Variants in MTSS2 observed in about 807,000 individuals in gnomAD.
MTSS2 encodes protein MTSS 2.
Under a neutral mutation model 67.1 loss-of-function variants are expected in MTSS2, and 27 were observed. The observed-to-expected ratio is 0.40, with a 90% CI of 0.30 to 0.55. The LOEUF (loss-of-function observed/expected upper bound fraction) is 0.55, where lower values mean the gene tolerates loss of function less well. MTSS2 is among the 20% of genes least tolerant of loss of function. The pLI, the probability that MTSS2 is intolerant of heterozygous loss-of-function variation, is 0.43. For synonymous variants in MTSS2, 624 were observed against 468.6 expected, an observed-to-expected ratio of 1.33 and a Z score of -4.28; for missense variants, 1,171 against 1,067.8, an observed-to-expected ratio of 1.10 and a Z score of -1.35.
intron 10 of MTSS2, among the ~76,000 whole-genome samples, chr16:70,674,939 C>G (rs1008921198): frequency 2.0e-5 from 3 of 152,118 alleles, no homozygotes; most frequent in Admixed American, 6.5e-5. Flanking sequence ...ATAGCGAAAC[C>G]CCATCACCAC....
In MTSS2 at chr16:70,664,126, G is replaced by A. The variant is rs551929824; in HGVS notation, c.1795C>T (p.Pro599Ser). 6.8e-6 allele frequency: 11 copies of A among 1,610,842 alleles called. No individual in the cohort carries two copies. The East Asian group carries it at 1.3e-4, about 20-fold the overall frequency. The change falls in exon 15 of 15, where the codon CCT (proline) becomes TCT (serine). Residue 599 changes from proline to serine, a missense_variant. Coordinates refer to ENST00000338779, the MANE Select transcript of MTSS2 (RefSeq NM_138383.3). ...PIVPVKTPTV[P>S]DSPGYMGPTR... ...GGCCCCATGTAGCCGGGGGAGTCAG[G>A]CACCGTGGGCGTCTTCACAGGGACG...
chr16:70,661,314 A>AGAG lies in MTSS2; in HGVS notation c.*2360_*2362dup. ...GGATGGTGTGGAGGGGGCGGGGAGGAGAGGAGAATTTTTCCAAAATCTGAC... is the reference window on the plus strand; with the variant it reads ...GGATGGTGTGGAGGGGGCGGGGAGGAGAGGAGGAGAATTTTTCCAAAATCTGAC... On this transcript the variant is annotated 3_prime_UTR_variant, in exon 15 of 15. Coordinates refer to ENST00000338779, the MANE Select transcript of MTSS2 (RefSeq NM_138383.3). The AGAG allele has an allele frequency of 2.3e-6, 1 of 442,248 alleles. No homozygotes were observed. The highest frequency in any genetic ancestry group is 4.5e-6 in the Non-Finnish European group (1 of 223,568). The allele number at this position is 442,248 out of a possible 1,614,324, so 27.4% of individuals were successfully genotyped here. A position where few individuals can be genotyped will look rare whatever the true frequency, so the allele number is the denominator to read the frequency against.
chr16:70,669,861 G>A (rs1386473741), intron 11 of MTSS2, among the ~76,000 whole-genome samples: 2 of 151,078 alleles, frequency 1.3e-5, no homozygotes, highest in African/African-American at 4.9e-5. Flanking sequence ...ATTAGCATTA[G>A]AGAAATGCAA....
At chr16:70,677,215 T>TGGGC (rs1012662832) in intron 9 of MTSS2, among the ~76,000 whole-genome samples, 9 of 152,318 alleles carry the variant, frequency 5.9e-5, no homozygotes, top group African/African-American at 1.7e-4. Context: ...CAGCCTGGGC[T>TGGGC]GGGCGAGAGT....
Position 70,661,649 on chromosome 16 carries a change from G to A in MTSS2, c.*2028C>T, listed in dbSNP as rs1242291271. ...AGTCGACGCAAGGGCGGCGGGGGTG[G>A]TCTCAGGGATGGACAAGGGGATGGA... On this transcript the variant is annotated 3_prime_UTR_variant, in exon 15 of 15. Coordinates refer to ENST00000338779, the MANE Select transcript of MTSS2 (RefSeq NM_138383.3). The A allele has an allele frequency of 3.0e-6, 1 of 336,140 alleles. No homozygotes were observed. Among genetic ancestry groups the A allele is most frequent in the Non-Finnish European group, 5.8e-6 (1 of 173,156 alleles). The allele number at this position is 336,140 out of a possible 1,614,324, so 20.8% of individuals were successfully genotyped here.
intron 11 of MTSS2, among the ~76,000 whole-genome samples, chr16:70,670,287 G>A (rs1235834746): frequency 1.3e-5 from 2 of 151,986 alleles, no homozygotes; most frequent in Non-Finnish European, 2.9e-5. Flanking sequence ...AAAACAAAAC[G>A]ACACAAAACA....
chr16:70,679,588 G>C (rs751401314), intron 6 of MTSS2, 42 bp downstream of exon 6: 2 of 1,552,002 alleles, frequency 1.3e-6, no homozygotes, highest in Non-Finnish European at 1.7e-6. Context: ...GCTGTGGAGC[G>C]GGGCCGTGGG....
At chr16:70,665,598 GGA>G in intron 11 of MTSS2, 58 bp from the exon 12 acceptor site, 1 of 1,448,862 alleles carries the variant, frequency 6.9e-7, no homozygotes, top group Non-Finnish European at 9.4e-7. Flanking sequence ...GCAGCAAGGA[GGA>G]GAGGAGAGAA....
intron 2 of MTSS2, 46 bp downstream of exon 2, chr16:70,680,918 G>GGGGGGGGGGGGGGGGGGCCCCC: frequency 9.1e-7 from 1 of 1,097,912 alleles, no homozygotes; most frequent in Non-Finnish European, 1.3e-6. Flanking sequence ...CGGGGGGGGG[G>GGGGGGGGGGGGGGGGGGCCCCC]CCTCTGCCTG....
At chr16:70,682,229 A>G (rs1404898424) in intron 1 of MTSS2, among the ~76,000 whole-genome samples, 4 of 152,202 alleles carry the variant, frequency 2.6e-5, no homozygotes, top group African/African-American at 9.6e-5. Context: ...GGCTGAAGCA[A>G]GAGTGGGTAA....
chr16:70,679,832 C>T lies in MTSS2; in HGVS notation c.336G>A (p.Glu112=), dbSNP rs1281033435. 2 of 1,607,134 alleles carry T rather than the reference C, an allele frequency of 1.2e-6. No homozygotes were observed. Among genetic ancestry groups the T allele is most frequent in the African/African-American group, 1.3e-5 (1 of 74,896 alleles). The change falls in exon 5 of 15, where the codon GAG becomes GAA. Residue 112 remains glutamate (E), a synonymous_variant. Transcript: ENST00000338779. ...SLINPLQERI[E]DWKKAANQLD... ...GCTGGTTGGCCGCCTTCTTCCAGTC[C>T]TCGATGCGCTCCTGCAGCGGGTTGA...
intron 2 of MTSS2, 46 bp downstream of exon 2, chr16:70,680,918 G>GGGGGCGCCCCCCCC: frequency 9.1e-7 from 1 of 1,097,930 alleles, no homozygotes; most frequent in Non-Finnish European, 1.3e-6. Context: ...CGGGGGGGGG[G>GGGGGCGCCCCCCCC]CCTCTGCCTG....
In MTSS2 at chr16:70,674,327, C is replaced by T; in HGVS notation, c.1032G>A (p.Met344Ile). The change falls in exon 11 of 15, where the codon ATG (methionine) becomes ATA (isoleucine). Residue 344 changes from methionine to isoleucine, a missense_variant. This residue lies in a region of MTSS2 where 924 missense variants were observed against 756.0 expected (regional missense o/e 1.22). Transcript: ENST00000338779. The part of the protein sequence containing the change: ...DATYSKPPSP[M>I]PSDITSQKSS... ...TCACCTGGCTGGTGATGTCTGAAGGCATAGGCGAGGGGGGCTTGGAGTAGG... is the reference window on the plus strand; with the variant it reads ...TCACCTGGCTGGTGATGTCTGAAGGTATAGGCGAGGGGGGCTTGGAGTAGG... 1 of 1,613,804 alleles carries T rather than the reference C, an allele frequency of 6.2e-7. No individual in the cohort carries two copies. Among genetic ancestry groups the T allele is most frequent in the Non-Finnish European group, 8.5e-7 (1 of 1,179,976 alleles).
In MTSS2 at chr16:70,661,313, G is replaced by A. The variant is rs2052456531; in HGVS notation, c.*2364C>T. ...AGGATGGTGTGGAGGGGGCGGGGAGGAGAGGAGAATTTTTCCAAAATCTGA... is the reference window on the plus strand; with the variant it reads ...AGGATGGTGTGGAGGGGGCGGGGAGAAGAGGAGAATTTTTCCAAAATCTGA... On this transcript the variant is annotated 3_prime_UTR_variant, in exon 15 of 15. Coordinates refer to ENST00000338779, the MANE Select transcript of MTSS2 (RefSeq NM_138383.3). The A allele has an allele frequency of 2.2e-6, 1 of 447,364 alleles. No homozygotes were observed. Among genetic ancestry groups the A allele is most frequent in the Non-Finnish European group, 4.4e-6 (1 of 224,780 alleles). The allele number at this position is 447,364 out of a possible 1,614,324, so 27.7% of individuals were successfully genotyped here.
In MTSS2 at chr16:70,662,002, T is replaced by A. The variant is rs958108112; in HGVS notation, c.*1675A>T. The A allele has an allele frequency of 2.6e-5, 4 of 152,664 alleles. No homozygotes were observed. Among genetic ancestry groups the A allele is most frequent in the Admixed American group, 2.0e-4 (3 of 15,330 alleles). 9.5% of individuals were successfully genotyped at this position (152,664 alleles called of 1,614,324 possible). ...GTTGGCCTGAGCTCCACGGGCTGAGTGCTCGGCCAGGCAGTTGTTGAACCT... is the reference window on the plus strand; with the variant it reads ...GTTGGCCTGAGCTCCACGGGCTGAGAGCTCGGCCAGGCAGTTGTTGAACCT... On this transcript the variant is annotated 3_prime_UTR_variant, in exon 15 of 15. Transcript: ENST00000338779.
chr16:70,676,806 A>T lies in MTSS2; in HGVS notation c.830+75T>A. On this transcript the variant is annotated intron_variant, in intron 10 of 14. Coordinates refer to ENST00000338779, the MANE Select transcript of MTSS2 (RefSeq NM_138383.3). ...GAGGCCCTGAAGCAATTTCTGATGC[A>T]ATTTTGCTGGGAACATCCCCACTTC... The T allele has an allele frequency of 5.3e-6, 7 of 1,313,026 alleles. 1 individual carries two copies. Among genetic ancestry groups the T allele is most frequent in the Non-Finnish European group, 7.6e-6 (7 of 924,328 alleles). 81.3% of individuals were successfully genotyped at this position (1,313,026 alleles called of 1,614,324 possible).
chr16:70,668,741 G>T (rs1057348626), intron 11 of MTSS2, among the ~76,000 whole-genome samples: 3 of 152,148 alleles, frequency 2.0e-5, no homozygotes, highest in African/African-American at 7.2e-5. Flanking sequence ...GAGCTAGTTT[G>T]CCCCTTCCAC....
intron 9 of MTSS2, among the ~76,000 whole-genome samples, chr16:70,677,538 GGGCCTGA>G (rs2053159025): frequency 3.3e-5 from 5 of 152,166 alleles, no homozygotes; most frequent in Admixed American, 3.3e-4. Context: ...GGCAGACTCT[GGGCCTGA>G]CTCCATGGAT....
chr16:70,667,170 C>T (rs1370739727), intron 11 of MTSS2, among the ~76,000 whole-genome samples: 3 of 149,590 alleles, frequency 2.0e-5, no homozygotes, highest in Non-Finnish European at 4.4e-5. Context: ...ACACAGGAAG[C>T]TGAGGCAGGA....
Sources: allele counts gnomAD v4.1 joint callset (sites outside exome capture counted in the v4.1 genomes callset), GRCh38; gene constraint gnomAD v4.1.1; regional missense constraint gnomAD v4.1.1; transcripts MANE v1.5; gene names NCBI Gene and HGNC (gene_info 2026-07-23, HGNC 2026-07-21).